ZFYVE28: variants seen among roughly 807,000 people sequenced by gnomAD.
The protein encoded by ZFYVE28 is zinc finger FYVE-type containing 28.
In ZFYVE28, 40 loss-of-function variants were observed where a neutral mutation model predicts 82.1. That is an observed-to-expected ratio of 0.49 (90% CI 0.38 to 0.63). The LOEUF (loss-of-function observed/expected upper bound fraction) is 0.63, where lower values mean the gene tolerates loss of function less well. Ranked by LOEUF, ZFYVE28 falls within the 30% of genes least tolerant of loss-of-function variation. The pLI, the probability that ZFYVE28 is intolerant of heterozygous loss-of-function variation, is 0.00. For missense variants in ZFYVE28, 1,321 were observed against 1,242.1 expected, an observed-to-expected ratio of 1.06 and a Z score of -0.96; for synonymous variants, 612 against 546.1, an observed-to-expected ratio of 1.12 and a Z score of -1.68.
intron 2 of ZFYVE28, among the ~76,000 whole-genome samples, chr4:2,346,300 C>T (rs1305656248): frequency 1.3e-5 from 2 of 150,220 alleles, no homozygotes; most frequent in Non-Finnish European, 3.0e-5. Flanking sequence ...CGAGATCGCG[C>T]CACTGCACTC....
At chr4:2,317,501 T>A (rs1303495983) in intron 7 of ZFYVE28, among the ~76,000 whole-genome samples, 1 of 152,192 alleles carries the variant, frequency 6.6e-6, no homozygotes, top group East Asian at 1.9e-4. Flanking sequence ...TGCTGCACTC[T>A]CTGCCTTCTC....
intron 8 of ZFYVE28, among the ~76,000 whole-genome samples, chr4:2,299,746 G>GA (rs58533488): frequency 0.58 from 81,573 of 141,074 alleles, 23,754 homozygotes; most frequent in African/African-American, 0.6. Flanking sequence ...ATGTTCAGTG[G>GA]AAAAAAAAAT....
chr4:2,334,416 C>A (rs1007657480), intron 6 of ZFYVE28, among the ~76,000 whole-genome samples: 5 of 152,114 alleles, frequency 3.3e-5, no homozygotes, highest in Non-Finnish European at 1.5e-5. Context: ...CCCCTGCAGG[C>A]CCCGCCGCTG....
chr4:2,310,196 G>T (rs937120443), intron 7 of ZFYVE28, among the ~76,000 whole-genome samples: 1 of 151,908 alleles, frequency 6.6e-6, no homozygotes, highest in Non-Finnish European at 1.5e-5. Context: ...GTACCACCAT[G>T]CTCAACTAAT....
chr4:2,281,027 C>G (rs1187842900), intron 8 of ZFYVE28, among the ~76,000 whole-genome samples: 2 of 152,214 alleles, frequency 1.3e-5, no homozygotes, highest in Non-Finnish European at 2.9e-5. Flanking sequence ...TAGGTCAGAT[C>G]GCTGATGGCC....
chr4:2,276,872 C>G (rs968010597), intron 8 of ZFYVE28, among the ~76,000 whole-genome samples: 1 of 151,882 alleles, frequency 6.6e-6, no homozygotes, highest in Non-Finnish European at 1.5e-5. Context: ...GAGGACGTTG[C>G]GGAGATGATG....
chr4:2,294,811 T>G (rs544409147), intron 8 of ZFYVE28, among the ~76,000 whole-genome samples: 1 of 151,884 alleles, frequency 6.6e-6, no homozygotes, highest in Non-Finnish European at 1.5e-5. Context: ...CAATGACAAA[T>G]AGCACATGAA....
intron 1 of ZFYVE28, among the ~76,000 whole-genome samples, chr4:2,383,251 C>G (rs1728910488): frequency 6.6e-6 from 1 of 152,048 alleles, no homozygotes; most frequent in Non-Finnish European, 1.5e-5. Context: ...TGGGAGGGAC[C>G]TGGTGGGAGG....
rs529253120 is a variant in ZFYVE28, at chr4:2,281,395, A to G, written c.2052-7179T>C. On this transcript the variant is annotated intron_variant, in intron 8 of 12. Transcript: ENST00000290974. ...AGTACCACAGTCTAGGTAATTTATA[A>G]TGAACAGACATGTTTCTGGCTCACA... 5.3e-5 allele frequency among the ~76,000 whole-genome samples: 8 copies of G among 152,164 alleles called. No individual in the cohort carries two copies. In the East Asian group the frequency reaches 1.5e-3, roughly 29 times the overall value.
chr4:2,370,359 G>A, intron 1 of ZFYVE28, among the ~76,000 whole-genome samples: 1 of 152,116 alleles, frequency 6.6e-6, no homozygotes, highest in Non-Finnish European at 1.5e-5. Context: ...CTCGGCCTGA[G>A]CCCCCTGGAC....
At chr4:2,353,796 C>T in intron 2 of ZFYVE28, 137 bp downstream of exon 2, 1 of 1,125,924 alleles carries the variant, frequency 8.9e-7, no homozygotes, top group South Asian at 3.0e-5. Context: ...TCTTCCTGGG[C>T]CTGGCTTCTC....
rs2108818457 is a variant in ZFYVE28, at chr4:2,300,472, C to G, written c.2051+3817G>C. 6.6e-6 allele frequency among the ~76,000 whole-genome samples: 1 copy of G among 152,334 alleles called. No homozygotes were observed. Among genetic ancestry groups the G allele is most frequent in the African/African-American group, 2.4e-5 (1 of 41,574 alleles). ...CATTCACATCTGCAAGGCTGATTCA[C>G]TGCTGTCTGTCGAGGACGATGTCCG... On this transcript the variant is annotated intron_variant, in intron 8 of 12. Transcript: ENST00000290974. The surrounding 1 kb of genome is among the most constrained non-coding windows in gnomAD (Gnocchi z 4.6).
At chr4:2,387,969 T>C (rs1729446653) in intron 1 of ZFYVE28, among the ~76,000 whole-genome samples, 2 of 152,214 alleles carry the variant, frequency 1.3e-5, no homozygotes, top group Non-Finnish European at 2.9e-5. Flanking sequence ...TGAACACAGA[T>C]CTGCAGCCCT....
At chr4:2,270,992 G>A (rs537834922) in intron 12 of ZFYVE28, 136 bp from the exon 13 acceptor site, 21 of 1,342,262 alleles carry the variant, frequency 1.6e-5, no homozygotes, top group Non-Finnish European at 2.1e-5. Flanking sequence ...AGCTGCCAGG[G>A]GTTGTGACCT....
intron 8 of ZFYVE28, among the ~76,000 whole-genome samples, chr4:2,296,748 G>A (rs545568198): frequency 1.3e-5 from 2 of 152,280 alleles, no homozygotes; most frequent in East Asian, 3.9e-4. Context: ...GCTGCTCAAG[G>A]TCACAGGCAC....
intron 1 of ZFYVE28, among the ~76,000 whole-genome samples, chr4:2,401,371 G>A (rs1178753807): frequency 2.0e-5 from 3 of 152,190 alleles, no homozygotes; most frequent in East Asian, 3.8e-4. Context: ...ACAGGCGGCT[G>A]GGGCTAGGGC....
At chr4:2,295,575 CA>C (rs1714429309) in intron 8 of ZFYVE28, 1 of 152,540 alleles carries the variant, frequency 6.6e-6, no homozygotes, top group South Asian at 2.1e-4. Flanking sequence ...CCACCCTGCC[CA>C]CAAAGCTCTC....
intron 1 of ZFYVE28, among the ~76,000 whole-genome samples, chr4:2,405,276 A>C (rs1411238466): frequency 1.3e-5 from 2 of 152,152 alleles, no homozygotes; most frequent in Non-Finnish European, 2.9e-5. Flanking sequence ...GTGCACCGCC[A>C]CCTGCTTTTC....
intron 1 of ZFYVE28, among the ~76,000 whole-genome samples, chr4:2,389,591 G>GA (rs1003308936): frequency 6.6e-6 from 1 of 152,182 alleles, no homozygotes; most frequent in African/African-American, 2.4e-5. Context: ...ATCTCACCTA[G>GA]AAAAAGGCTT....
Sources: allele counts gnomAD v4.1 joint callset (sites outside exome capture counted in the v4.1 genomes callset), GRCh38; gene constraint gnomAD v4.1.1; non-coding constraint Gnocchi (gnomAD v3.1); transcripts MANE v1.5; gene names NCBI Gene and HGNC (gene_info 2026-07-23, HGNC 2026-07-21).